Variants in ZNF669 observed in about 807,000 individuals in gnomAD.
The protein encoded by ZNF669 is zinc finger protein 669.
A neutral mutation model predicts 11.4 loss-of-function variants in ZNF669; 7 were observed. That is an observed-to-expected ratio of 0.62 (90% CI 0.35 to 1.16). The LOEUF is 1.16. Ranked by LOEUF, ZNF669 falls within the 50% of genes most tolerant of loss-of-function variation. ZNF669 has a pLI of 0.02. For missense variants in ZNF669, 492 were observed against 463.6 expected, an observed-to-expected ratio of 1.06 and a Z score of -0.56; for synonymous variants, 153 against 155.8, an observed-to-expected ratio of 0.98 and a Z score of 0.13.
intron 1 of ZNF669, among the ~76,000 whole-genome samples, chr1:247,102,781 ACACCAAGAG>A (rs1454735559): frequency 6.6e-6 from 1 of 152,216 alleles, no homozygotes; most frequent in Non-Finnish European, 1.5e-5. Context: ...CCATGTGATT[ACACCAAGAG>A]AGAATAGGCT....
At position 247,100,583 on chromosome 1, in the gene ZNF669, CACATTGTTT is replaced by C. The variant is rs1671698409; in HGVS notation, c.919_927del (p.Lys307_Cys309del). The C allele has an allele frequency of 6.2e-7, 1 of 1,614,156 alleles. No homozygotes were observed. The highest frequency in any genetic ancestry group is 2.2e-5 in the East Asian group (1 of 44,892). ...GAACTGAGGCGACTGAAGGCTTGAT[CACATTGTTT>C]ACATTCATAGGGTTTCTCTCCGGTA... On this transcript the variant is annotated inframe_deletion, in exon 4 of 4. Coordinates refer to ENST00000448299, the MANE Select transcript of ZNF669 (RefSeq NM_001142572.2).
Position 247,100,997 on chromosome 1 carries a change from C to T in ZNF669, c.514G>A (p.Ala172Thr). The T allele has an allele frequency of 6.2e-7, 1 of 1,613,326 alleles. No individual in the cohort carries two copies. The highest frequency in any genetic ancestry group is 1.1e-5 in the South Asian group (1 of 90,900). The change falls in exon 4 of 4, where the codon GCT becomes ACT. Residue 172 changes from alanine (A) to threonine (T), a missense_variant. Coordinates refer to ENST00000448299, the MANE Select transcript of ZNF669 (RefSeq NM_001142572.2). ...PAYKCTICGK[A>T]FYFLNSVERH... is the part of the protein sequence containing the mutation. ...TCAACTGAATTGAGAAAATAAAAAG[C>T]TTTCCCACATATCGTACATTTATAA...
chr1:247,100,993 A>G lies in ZNF669; in HGVS notation c.518T>C (p.Phe173Ser). ...AYKCTICGKA[F>S]YFLNSVERHQ... ...TCTTTCAACTGAATTGAGAAAATAAAAAGCTTTCCCACATATCGTACATTT... is the reference window on the plus strand; with the variant it reads ...TCTTTCAACTGAATTGAGAAAATAAGAAGCTTTCCCACATATCGTACATTT... Residue 173 changes from phenylalanine (F) to serine (S), a missense_variant, in exon 4 of 4, where the codon TTT becomes TCT. By Grantham distance (155) the Phe-to-Ser change is radical. Coordinates refer to ENST00000448299, the MANE Select transcript of ZNF669 (RefSeq NM_001142572.2). 2 of 1,613,240 alleles carry G rather than the reference A, an allele frequency of 1.2e-6. No homozygotes were observed. Among genetic ancestry groups the G allele is most frequent in the Non-Finnish European group, 8.5e-7 (1 of 1,179,848 alleles).
Position 247,104,315 on chromosome 1 carries a change from G to A in ZNF669, c.-116C>T, listed in dbSNP as rs941173292. ...GGCCTCCCAGAGCCAAGAACTAGCA[G>A]CGGAGACTAACAGGAAGAGCCGGCT... is the stretch of plus-strand genomic sequence containing the variant. On this transcript the variant is annotated 5_prime_UTR_variant, in exon 1 of 4. Coordinates refer to ENST00000448299, the MANE Select transcript of ZNF669 (RefSeq NM_001142572.2). 1.6e-5 allele frequency: 21 copies of A among 1,339,316 alleles called. No individual in the cohort carries two copies. The Admixed American group carries it at 3.4e-4, about 22-fold the overall frequency. The allele number at this position is 1,339,316 out of a possible 1,614,324, so 83.0% of individuals were successfully genotyped here.
rs764997945 is a variant in ZNF669 at position 247,103,916 on chromosome 1, C to T, written c.3+281G>A. 2.2e-5 allele frequency: 34 copies of T among 1,577,974 alleles called. 2 individuals are homozygous for T. The South Asian group carries it at 3.7e-4, about 17-fold the overall frequency. ...ACCGAGTCGGGGCTCTCCCGCATCA[C>T]CCTCCCGTGGTCACCACACTACCTG... On this transcript the variant is annotated intron_variant, in intron 1 of 3. Transcript: ENST00000448299.
Position 247,101,167 on chromosome 1 carries a change from T to C in ZNF669, c.344A>G (p.His115Arg). ...TAGGATATGCCTATTAAGGAGGGAA[T>C]GACGTACAAAGACTTTTCCACAAAT... The part of the protein sequence containing the change: ...CSICGKVFVR[H>R]SLLNRHILAH... The change falls in exon 4 of 4, where the codon CAT becomes CGT. Residue 115 changes from histidine to arginine, a missense_variant. His to Arg is a conservative substitution (Grantham distance 29, BLOSUM62 0). Coordinates refer to ENST00000448299, the MANE Select transcript of ZNF669 (RefSeq NM_001142572.2). The C allele has an allele frequency of 1.2e-6, 2 of 1,614,156 alleles. No individual in the cohort carries two copies. Among genetic ancestry groups the C allele is most frequent in the Non-Finnish European group, 1.7e-6 (2 of 1,180,028 alleles).
chr1:247,102,994 C>G (rs1050175178), intron 1 of ZNF669, among the ~76,000 whole-genome samples: 6 of 152,176 alleles, frequency 3.9e-5, no homozygotes, highest in Admixed American at 6.5e-5. Context: ...ATTCCCAAAT[C>G]AGGCTTTTTT....
intron 1 of ZNF669, 146 bp downstream of exon 1, chr1:247,104,051 G>A (rs1671789117): frequency 6.3e-7 from 1 of 1,582,846 alleles, no homozygotes; most frequent in South Asian, 1.1e-5. Flanking sequence ...GCCCGGCCCT[G>A]AACAGAAGAG....
At chr1:247,104,108 A>G in intron 1 of ZNF669, 89 bp downstream of exon 1, 2 of 1,597,330 alleles carry the variant, frequency 1.3e-6, no homozygotes, top group African/African-American at 1.3e-5. Context: ...CAGGTTCCGG[A>G]GCCGATGGCG....
chr1:247,102,169 A>G, intron 1 of ZNF669, 56 bp from the exon 2 acceptor site: 1 of 1,521,680 alleles, frequency 6.6e-7, no homozygotes, highest in Non-Finnish European at 8.8e-7. Context: ...AGCACTGGGA[A>G]TCTATACTCA....
intron 3 of ZNF669, 85 bp downstream of exon 3, chr1:247,101,646 A>G: frequency 7.7e-7 from 1 of 1,291,374 alleles, no homozygotes; most frequent in Non-Finnish European, 1.1e-6. Flanking sequence ...AGTGACTCTT[A>G]TTTGTTTTGA....
chr1:247,101,723 C>A lies in ZNF669; in HGVS notation c.191+8G>T. 6.2e-7 allele frequency: 1 copy of A among 1,613,308 alleles called. No homozygotes were observed. ...AGGACTTTATTTCCTCTGCTCAGTG[C>A]AAATTACCTTATATCTTTCCCAGGT... On this transcript the variant is annotated splice_region_variant and intron_variant, in intron 3 of 3. Coordinates refer to ENST00000448299, the MANE Select transcript of ZNF669 (RefSeq NM_001142572.2).
chr1:247,104,017 G>A (rs374971598), intron 1 of ZNF669, 180 bp downstream of exon 1: 110 of 1,595,764 alleles, frequency 6.9e-5, no homozygotes, highest in Non-Finnish European at 8.8e-5. Flanking sequence ...CAGGATGCAG[G>A]GGTTCCGCTG....
intron 1 of ZNF669, among the ~76,000 whole-genome samples, chr1:247,103,294 G>A (rs1329212226): frequency 6.6e-6 from 1 of 152,194 alleles, no homozygotes; most frequent in Non-Finnish European, 1.5e-5. Flanking sequence ...TAGAGTGTCA[G>A]ATGGTTTATT....
rs1671719840 is a variant in ZNF669 at position 247,101,307 on chromosome 1, T to C, written c.204A>G (p.Val68=). 2.6e-6 allele frequency: 4 copies of C among 1,561,486 alleles called. No individual in the cohort carries two copies. Among genetic ancestry groups the C allele is most frequent in the Non-Finnish European group, 1.7e-6 (2 of 1,159,980 alleles). Residue 68 remains valine, a synonymous_variant, in exon 4 of 4, where the codon GTA becomes GTG. Transcript: ENST00000448299. ...KPGKDIRNHI[V]QRLCESKEDG... is the part of the protein sequence containing the mutation. ...CTTCTTTACTTTCACACAGTCTCTGTACGATATGATTTCTGTAAAAAAATG... is the reference window on the plus strand; with the variant it reads ...CTTCTTTACTTTCACACAGTCTCTGCACGATATGATTTCTGTAAAAAAATG...
rs754281116 is a variant in ZNF669 at position 247,100,969 on chromosome 1, C to T, written c.542G>A (p.Arg181Lys). The stretch of plus-strand genomic sequence containing the variant: ...TTCTCCTGTGTGAGTTCTCTGATGT[C>T]TTTCAACTGAATTGAGAAAATAAAA... ...KAFYFLNSVE[R>K]HQRTHTGEKP... The change falls in exon 4 of 4, where the codon AGA (arginine) becomes AAA (lysine). Residue 181 changes from arginine to lysine, a missense_variant. Physicochemically the swap from Arg to Lys is conservative, Grantham distance 26. Transcript: ENST00000448299. 6.2e-6 allele frequency: 10 copies of T among 1,613,126 alleles called. No individual in the cohort carries two copies. In the East Asian group the frequency reaches 1.3e-4, roughly 22 times the overall value.
chr1:247,102,799 C>A (rs1249856848), intron 1 of ZNF669, among the ~76,000 whole-genome samples: 1 of 152,092 alleles, frequency 6.6e-6, no homozygotes, highest in African/African-American at 2.4e-5. Flanking sequence ...AGAGAATAGG[C>A]TTATTAAATT....
At chr1:247,104,016 G>A (rs1224085402) in intron 1 of ZNF669, 181 bp downstream of exon 1, 1 of 1,597,272 alleles carries the variant, frequency 6.3e-7, no homozygotes, top group South Asian at 1.1e-5. Flanking sequence ...ACAGGATGCA[G>A]GGGTTCCGCT....
At chr1:247,103,823 A>T (rs1304868815) in intron 1 of ZNF669, 1 of 1,327,532 alleles carries the variant, frequency 7.5e-7, no homozygotes, top group Non-Finnish European at 1.0e-6. Flanking sequence ...ATTTTAGGGG[A>T]AGAAAGGTGG....
Sources: gnomAD v4.1 joint callset for allele counts (sites outside exome capture counted in the v4.1 genomes callset) on GRCh38, gnomAD v4.1.1 for gene constraint, MANE v1.5 for transcripts, NCBI Gene and HGNC (gene_info 2026-07-23, HGNC 2026-07-21) for gene names.